OSGIN2: variants seen among roughly 807,000 people sequenced by gnomAD.
The protein encoded by OSGIN2 is oxidative stress-induced growth inhibitor 2.
Under a neutral mutation model 53.8 loss-of-function variants are expected in OSGIN2, and 19 were observed. The observed-to-expected ratio is 0.35, with a 90% confidence interval of 0.25 to 0.52. The LOEUF (loss-of-function observed/expected upper bound fraction) is 0.52, where lower values mean the gene tolerates loss of function less well. OSGIN2 is among the 20% of genes least tolerant of loss of function. The probability of loss-of-function intolerance (pLI) is 0.95; values close to 1 mark genes in which losing one functional copy is unlikely to be tolerated. For missense variants in OSGIN2, 520 were observed against 662.7 expected (o/e 0.78, Z 2.36); for synonymous variants, 236 against 236.0 (o/e 1.00, Z 0.00).
intron 4 of OSGIN2, among the ~76,000 whole-genome samples, chr8:89,919,577 AG>A (rs1434787459): frequency 6.6e-6 from 1 of 152,232 alleles, no homozygotes; most frequent in Non-Finnish European, 1.5e-5. Flanking sequence ...TAGAGTATTC[AG>A]GGGCTCAGAA....
Position 89,914,708 on chromosome 8 carries a change from G to T in OSGIN2, c.490G>T (p.Val164Leu). 6.2e-7 allele frequency: 1 copy of T among 1,613,922 alleles called. No individual in the cohort carries two copies. Among genetic ancestry groups the T allele is most frequent in the Non-Finnish European group, 8.5e-7 (1 of 1,179,822 alleles). Residue 164 changes from valine (V) to leucine (L), a missense_variant, in exon 4 of 6, where the codon GTA becomes TTA. Around this residue, in one of 3 missense-constraint regions of OSGIN2, gnomAD observed 203 missense variants for 275.3 expected, o/e 0.74. Coordinates refer to ENST00000451899, the MANE Select transcript of OSGIN2 (RefSeq NM_001126111.3). ...KLEQHHYIPH[V>L]VLGKGPPGGA... ...AGAGCAACATCATTATATCCCTCAC[G>T]TAGTTCTTGGTAAAGGTCCACCTGG...
chr8:89,915,391 C>T (rs1430565718), intron 4 of OSGIN2, among the ~76,000 whole-genome samples: 1 of 152,180 alleles, frequency 6.6e-6, no homozygotes, highest in Non-Finnish European at 1.5e-5. Context: ...CTCATGACCT[C>T]ATCTAGCTCT....
At chr8:89,913,420 T>C (rs1246789844) in intron 2 of OSGIN2, among the ~76,000 whole-genome samples, 3 of 151,874 alleles carry the variant, frequency 2.0e-5, no homozygotes, top group African/African-American at 7.3e-5. Context: ...TGGAGAACAC[T>C]GGATAGTCAG....
intron 1 of OSGIN2, among the ~76,000 whole-genome samples, 189 bp downstream of exon 1, chr8:89,903,026 G>A (rs556195945): frequency 5.9e-5 from 9 of 152,288 alleles, no homozygotes; most frequent in African/African-American, 2.2e-4. Context: ...GCTCCGGGGA[G>A]CCCTGCGCTG....
At position 89,902,771 on chromosome 8, in the gene OSGIN2, G is replaced by T; in HGVS notation, c.-23G>T. ...GGAGGCGGCCACGGCGGCCGCGCTC[G>T]GGCGCCCCTCGCGCAGCGCTCCATG... On this transcript the variant is annotated 5_prime_UTR_variant, in exon 1 of 6. Coordinates refer to ENST00000451899, the MANE Select transcript of OSGIN2 (RefSeq NM_001126111.3). 2.4e-6 allele frequency: 3 copies of T among 1,233,490 alleles called. No homozygotes were observed. Among genetic ancestry groups the T allele is most frequent in the Non-Finnish European group, 3.1e-6 (3 of 979,614 alleles). 76.4% of individuals were successfully genotyped at this position (1,233,490 alleles called of 1,614,324 possible).
At chr8:89,922,624 T>G (rs185653274) in intron 5 of OSGIN2, among the ~76,000 whole-genome samples, 57 of 152,230 alleles carry the variant, frequency 3.7e-4, no homozygotes, top group Admixed American at 8.5e-4. Flanking sequence ...ATTGGTGGAG[T>G]TTGAGTTCCG....
intron 4 of OSGIN2, 30 bp from the exon 5 acceptor site, chr8:89,921,050 C>A: frequency 7.8e-7 from 1 of 1,277,138 alleles, no homozygotes; most frequent in Non-Finnish European, 1.1e-6. Context: ...TGTTTTTTGA[C>A]GGTACATTTT....
At chr8:89,914,268 G>A in intron 3 of OSGIN2, 55 bp downstream of exon 3, 1 of 1,317,572 alleles carries the variant, frequency 7.6e-7, no homozygotes, top group Non-Finnish European at 1.1e-6. Context: ...AACAAGATTA[G>A]TTTTTATTTA....
At chr8:89,911,558 A>G (rs1165418404) in intron 2 of OSGIN2, among the ~76,000 whole-genome samples, 1 of 148,856 alleles carries the variant, frequency 6.7e-6, no homozygotes, top group Non-Finnish European at 1.5e-5. Context: ...TGAACCCAGG[A>G]GGTGGAGGTT....
chr8:89,905,684 C>G (rs1025286925), intron 1 of OSGIN2, among the ~76,000 whole-genome samples: 6 of 152,146 alleles, frequency 3.9e-5, no homozygotes, highest in Admixed American at 3.9e-4. Flanking sequence ...AGAGTTTATA[C>G]CAGTGGCTCC....
At chr8:89,906,374 G>A (rs547161184) in intron 1 of OSGIN2, among the ~76,000 whole-genome samples, 10 of 152,206 alleles carry the variant, frequency 6.6e-5, no homozygotes, top group Non-Finnish European at 8.8e-5. Context: ...ATCCTGGGCC[G>A]CATGTGGGTT....
At chr8:89,918,901 C>T (rs886134209) in intron 4 of OSGIN2, among the ~76,000 whole-genome samples, 15 of 152,098 alleles carry the variant, frequency 9.9e-5, no homozygotes, top group Non-Finnish European at 1.6e-4. Flanking sequence ...TATTGGTCAC[C>T]GCTGTCTTTC....
chr8:89,903,816 C>A (rs1214103405), intron 1 of OSGIN2, among the ~76,000 whole-genome samples: 2 of 152,142 alleles, frequency 1.3e-5, no homozygotes, highest in Admixed American at 1.3e-4. Flanking sequence ...TATACTTATT[C>A]AAAATTATAG....
intron 1 of OSGIN2, among the ~76,000 whole-genome samples, chr8:89,904,810 C>CA (rs1186737962): frequency 2.0e-5 from 3 of 151,524 alleles, no homozygotes; most frequent in African/African-American, 7.3e-5. Context: ...GAGACTGTCT[C>CA]AAAAAAACAA....
rs551138859 is a variant in OSGIN2 at position 89,925,224 on chromosome 8, T to C, written c.1342T>C (p.Phe448Leu). The C allele has an allele frequency of 5.6e-6, 9 of 1,614,028 alleles. No homozygotes were observed. The South Asian group carries it at 7.7e-5, about 14-fold the overall frequency. The part of the protein sequence containing the change: ...LQSVSGLKKI[F>L]KLSAAVVLIG... ...AAGCGTTTCTGGATTGAAGAAAATA[T>C]TTAAGCTGTCTGCAGCAGTAGTATT... The change falls in exon 6 of 6, where the codon TTT (phenylalanine) becomes CTT (leucine). Residue 448 changes from phenylalanine (F) to leucine (L), a missense_variant. This residue lies in a region of OSGIN2 where 239 missense variants were observed against 328.3 expected (regional missense o/e 0.73). Coordinates refer to ENST00000451899, the MANE Select transcript of OSGIN2 (RefSeq NM_001126111.3).
At position 89,926,114 on chromosome 8, in the gene OSGIN2, G is replaced by A. The variant is rs1417172456; in HGVS notation, c.*582G>A. ...TAAGGTATGTATAACTGGGGGTGGG[G>A]TGAGGGTAGGAGGCATTTACAACTC... On this transcript the variant is annotated 3_prime_UTR_variant, in exon 6 of 6. Transcript: ENST00000451899. 6.6e-6 allele frequency: 1 copy of A among 152,230 alleles called. No homozygotes were observed. Among genetic ancestry groups the A allele is most frequent in the African/African-American group, 2.4e-5 (1 of 41,448 alleles). 9.4% of individuals were successfully genotyped at this position (152,230 alleles called of 1,614,324 possible).
intron 5 of OSGIN2, chr8:89,921,375 T>C: frequency 2.3e-6 from 1 of 431,330 alleles, no homozygotes; most frequent in Non-Finnish European, 4.1e-6. Flanking sequence ...TAAGGGATTA[T>C]TGCAGATTGG....
intron 4 of OSGIN2, among the ~76,000 whole-genome samples, chr8:89,917,413 G>C (rs1275707979): frequency 1.3e-5 from 2 of 152,182 alleles, no homozygotes; most frequent in Non-Finnish European, 2.9e-5. Context: ...CCCAGCTTCT[G>C]TAGTCCATGG....
At chr8:89,902,892 G>C in intron 1 of OSGIN2, 55 bp downstream of exon 1, 1 of 1,261,260 alleles carries the variant, frequency 7.9e-7, no homozygotes, top group South Asian at 2.0e-5. Flanking sequence ...GCGCTCTCGA[G>C]CTTTTTGGCC....
Sources: gnomAD v4.1 joint callset for allele counts (sites outside exome capture counted in the v4.1 genomes callset) on GRCh38, gnomAD v4.1.1 for gene constraint, gnomAD v4.1.1 regional missense constraint, MANE v1.5 for transcripts, NCBI Gene and HGNC (gene_info 2026-07-23, HGNC 2026-07-21) for gene names.